The following COL4A1 variants were observed in gnomAD, a reference collection of about 807,000 sequenced individuals.
The protein encoded by COL4A1 is collagen alpha-1(IV) chain.
In COL4A1, 40 loss-of-function variants were observed where a neutral mutation model predicts 216.6. The ratio of observed to expected loss-of-function variants is 0.18; its 90% CI spans 0.14 to 0.24. The LOEUF (loss-of-function observed/expected upper bound fraction) is 0.24, where lower values mean the gene tolerates loss of function less well. Among genes scored for constraint, COL4A1 ranks in the 10% least tolerant of loss-of-function variants. COL4A1 has a pLI of 1.00. For synonymous variants in COL4A1, 839 were observed against 810.7 expected (o/e 1.03, Z -0.59); for missense variants, 1,628 against 2,196.8 (o/e 0.74, Z 5.18).
At position 110,174,648 on chromosome 13, in the gene COL4A1, C is replaced by A; in HGVS notation, c.3300G>T (p.Gly1100=). The change falls in exon 38 of 52, where the codon GGG becomes GGT. Residue 1100 remains glycine (G), a synonymous_variant. Transcript: ENST00000375820. ...PGMPGSPGLK[G]SPGSVGYPGS... Reference sequence around the variant, plus strand: ...CTGGATAGCCAACACTCCCGGGAGACCCTTTAAGGCCTGGGGACCCTGGCA... The same window carrying A: ...CTGGATAGCCAACACTCCCGGGAGAACCTTTAAGGCCTGGGGACCCTGGCA... 2 of 1,614,130 alleles carry A rather than the reference C, an allele frequency of 1.2e-6. No individual in the cohort carries two copies. Among genetic ancestry groups the A allele is most frequent in the Non-Finnish European group, 1.7e-6 (2 of 1,180,014 alleles).
Position 110,238,239 on chromosome 13 carries a change from G to A in COL4A1, c.144+4436C>T, listed in dbSNP as rs148430863. On this transcript the variant is annotated intron_variant, in intron 2 of 51. Coordinates refer to ENST00000375820, the MANE Select transcript of COL4A1 (RefSeq NM_001845.6). Reference sequence around the variant, plus strand: ...CAAGAAGGTATGAGATATCCACACAGTTGTCACTACTCACTAGAAATGCTA... The same window carrying A: ...CAAGAAGGTATGAGATATCCACACAATTGTCACTACTCACTAGAAATGCTA... Among the ~76,000 whole-genome samples, 460 of 152,338 alleles carry A rather than the reference G, an allele frequency of 3.0e-3. 4 individuals carry two copies. Among genetic ancestry groups the A allele is most frequent in the African/African-American group, 0.011 (444 of 41,572 alleles).
intron 42 of COL4A1, among the ~76,000 whole-genome samples, chr13:110,170,106 G>GAA (rs1353384947): frequency 1.7e-4 from 14 of 80,584 alleles, no homozygotes; most frequent in African/African-American, 8.1e-4. Context: ...AGAGAGGAAG[G>GAA]GAGGAAAGAA....
Position 110,209,039 on chromosome 13 carries a change from A to T in COL4A1, c.652-149T>A, listed in dbSNP as rs1879645140. On this transcript the variant is annotated intron_variant, in intron 11 of 51. Transcript: ENST00000375820. ...TCATAAAATTTTCTGGAAAGTAACG[A>T]TCATGCTGAATTCAATGTCTATGAA... 4.7e-6 allele frequency: 4 copies of T among 859,874 alleles called. No individual in the cohort carries two copies. In the East Asian group the frequency reaches 1.0e-4, roughly 22 times the overall value. 53.3% of individuals were successfully genotyped at this position (859,874 alleles called of 1,614,324 possible).
chr13:110,190,316 T>C (rs187975202), intron 24 of COL4A1, among the ~76,000 whole-genome samples: 27 of 152,226 alleles, frequency 1.8e-4, no homozygotes, highest in Admixed American at 1.2e-3. Flanking sequence ...AAATTTAGCA[T>C]TGGCTGCATT....
At chr13:110,172,626 G>C in intron 41 of COL4A1, 94 bp downstream of exon 41, 1 of 1,242,580 alleles carries the variant, frequency 8.0e-7, no homozygotes, top group Non-Finnish European at 1.2e-6. Flanking sequence ...TGGCCAACAG[G>C]CATGGGGCTT....
At chr13:110,277,063 G>A (rs1248832824) in intron 1 of COL4A1, among the ~76,000 whole-genome samples, 1 of 152,108 alleles carries the variant, frequency 6.6e-6, no homozygotes, top group Admixed American at 6.6e-5. Context: ...TAGACATCTG[G>A]GTTTTTGAAC....
intron 2 of COL4A1, among the ~76,000 whole-genome samples, chr13:110,226,281 A>G (rs577082494): frequency 6.6e-6 from 1 of 152,312 alleles, no homozygotes; most frequent in African/African-American, 2.4e-5. Flanking sequence ...TTTCCTTAAT[A>G]AATATCTCTG....
At chr13:110,292,134 T>C (rs937972657) in intron 1 of COL4A1, among the ~76,000 whole-genome samples, 2 of 152,218 alleles carry the variant, frequency 1.3e-5, no homozygotes, top group Non-Finnish European at 1.5e-5. Flanking sequence ...TTTGGAAGCA[T>C]TGTCAAATTT....
intron 2 of COL4A1, among the ~76,000 whole-genome samples, chr13:110,232,935 TG>T (rs1881132928): frequency 6.6e-6 from 1 of 152,110 alleles, no homozygotes; most frequent in Non-Finnish European, 1.5e-5. Context: ...GATTTTACGG[TG>T]GGCAGAACTA....
chr13:110,282,070 G>C (rs933460336), intron 1 of COL4A1, among the ~76,000 whole-genome samples: 10 of 152,114 alleles, frequency 6.6e-5, no homozygotes, highest in African/African-American at 2.2e-4. Context: ...AAAGACCCTT[G>C]GTCACAAATC....
rs188600555 is a variant in COL4A1 at position 110,253,063 on chromosome 13, C to T, written c.85-10329G>A. On this transcript the variant is annotated intron_variant, in intron 1 of 51. Coordinates refer to ENST00000375820, the MANE Select transcript of COL4A1 (RefSeq NM_001845.6). ...TATAACTATAAGTACGTATGTATTA[C>T]ATATACATATAACTATAAGTACGTA... 6.0e-3 allele frequency among the ~76,000 whole-genome samples: 466 copies of T among 78,148 alleles called. 29 individuals carry two copies. The highest frequency in any genetic ancestry group is 0.02 in the African/African-American group (418 of 21,202). The allele number at this position is 78,148 out of a possible 152,430, so 51.3% of individuals were successfully genotyped here.
intron 1 of COL4A1, among the ~76,000 whole-genome samples, chr13:110,243,848 C>T (rs542863844): frequency 1.3e-5 from 2 of 152,310 alleles, no homozygotes; most frequent in Admixed American, 1.3e-4. Context: ...TTATAACACG[C>T]TAGGACAAAG....
chr13:110,181,104 G>A (rs1334850477), intron 29 of COL4A1, among the ~76,000 whole-genome samples, 188 bp downstream of exon 29: 2 of 152,166 alleles, frequency 1.3e-5, no homozygotes, highest in Non-Finnish European at 2.9e-5. Context: ...ATCAAAACAA[G>A]TGTTTCCCTT....
chr13:110,284,080 C>A (rs538109292), intron 1 of COL4A1, among the ~76,000 whole-genome samples: 45 of 152,186 alleles, frequency 3.0e-4, no homozygotes, highest in Admixed American at 1.3e-3. Flanking sequence ...GGCAGGGATC[C>A]CACAGAGCGT....
At chr13:110,194,933 C>A in intron 22 of COL4A1, 90 bp downstream of exon 22, 2 of 1,059,926 alleles carry the variant, frequency 1.9e-6, no homozygotes, top group Non-Finnish European at 2.9e-6. Context: ...ACTCTGCCCA[C>A]CCCCACTTGG....
intron 42 of COL4A1, among the ~76,000 whole-genome samples, 153 bp downstream of exon 42, chr13:110,170,394 G>C (rs965878473): frequency 1.3e-5 from 2 of 152,260 alleles, no homozygotes; most frequent in African/African-American, 2.4e-5. Flanking sequence ...GCTTTGACTC[G>C]ATGGGGGCCA....
intron 1 of COL4A1, among the ~76,000 whole-genome samples, chr13:110,285,303 C>G (rs1013688203): frequency 1.3e-5 from 2 of 152,206 alleles, no homozygotes; most frequent in African/African-American, 4.8e-5. Context: ...GCTGCGGAAT[C>G]CCACGCATAT....
At position 110,161,361 on chromosome 13, in the gene COL4A1, C is replaced by A. The variant is rs190510837; in HGVS notation, c.4471G>T (p.Gly1491Cys). Residue 1491 changes from glycine (G) to cysteine (C), a missense_variant, in exon 49 of 52, where the codon GGC (glycine) becomes TGC (cysteine). Physicochemically the swap from Gly to Cys is radical, Grantham distance 159. Transcript: ENST00000375820. ...RAHGQDLGTAGSCLRKFSTMP... is the reference protein window; with the variant it reads ...RAHGQDLGTACSCLRKFSTMP... ...GTGCTGAACTTGCGCAGGCAGCTGC[C>A]GGCCGTGCCTAGACAAGGAAGAAGA... 1 of 1,611,992 alleles carries A rather than the reference C, an allele frequency of 6.2e-7. No individual in the cohort carries two copies. Among genetic ancestry groups the A allele is most frequent in the Non-Finnish European group, 8.5e-7 (1 of 1,178,964 alleles).
rs1877949190 is a variant in COL4A1, at chr13:110,177,786, A to G, written c.2716+56T>C. On this transcript the variant is annotated intron_variant, in intron 33 of 51. Transcript: ENST00000375820. The stretch of plus-strand genomic sequence containing the variant: ...ATCTATGACAACTTGAGAATTTCCC[A>G]AGTGGCATCGAGAAATAGACACAAA... The G allele has an allele frequency of 1.9e-6, 3 of 1,564,652 alleles. No homozygotes were observed. In the East Asian group the frequency reaches 6.7e-5, roughly 35 times the overall value.
Sources: gnomAD v4.1 joint callset for allele counts (sites outside exome capture counted in the v4.1 genomes callset) on GRCh38, gnomAD v4.1.1 for gene constraint, MANE v1.5 for transcripts, NCBI Gene and HGNC (gene_info 2026-07-23, HGNC 2026-07-21) for gene names.